The following ADGRV1 variants were observed in gnomAD, a reference collection of about 807,000 sequenced individuals.
The protein encoded by ADGRV1 is G-protein coupled receptor 98.
In ADGRV1, 359 loss-of-function variants were observed where a neutral mutation model predicts 596.2. That is an observed-to-expected ratio of 0.60 (90% CI 0.55 to 0.66). The LOEUF (loss-of-function observed/expected upper bound fraction) is 0.66, where lower values mean the gene tolerates loss of function less well. ADGRV1 is among the 30% of genes least tolerant of loss of function. The pLI, the probability that ADGRV1 is intolerant of heterozygous loss-of-function variation, is 0.00. For missense variants in ADGRV1, 7,274 were observed against 7,575.6 expected, an observed-to-expected ratio of 0.96 and a Z score of 1.48; for synonymous variants, 2,681 against 2,679.2, an observed-to-expected ratio of 1.00 and a Z score of -0.02.
At chr5:90,723,400 T>A (rs1379202645) in intron 45 of ADGRV1, among the ~76,000 whole-genome samples, 1 of 152,106 alleles carries the variant, frequency 6.6e-6, no homozygotes, top group Non-Finnish European at 1.5e-5. Context: ...CAAGCTGAGA[T>A]GGGATCCAAA....
chr5:91,048,248 TA>T (rs1358847763), intron 85 of ADGRV1, among the ~76,000 whole-genome samples: 2 of 152,262 alleles, frequency 1.3e-5, no homozygotes, highest in East Asian at 3.9e-4. Flanking sequence ...AGCAACTCAG[TA>T]CCTTCTGCCT....
At chr5:90,701,723 G>A (rs1747932983) in intron 34 of ADGRV1, among the ~76,000 whole-genome samples, 2 of 151,804 alleles carry the variant, frequency 1.3e-5, no homozygotes, top group Admixed American at 1.3e-4. Context: ...TAGACTTTTA[G>A]TGTTTTTACA....
At chr5:90,619,694 G>A (rs1370596879) in intron 4 of ADGRV1, among the ~76,000 whole-genome samples, 1 of 151,564 alleles carries the variant, frequency 6.6e-6, no homozygotes, top group African/African-American at 2.4e-5. Context: ...CTGGTGTGCT[G>A]CACCCATTAA....
rs1766171315 is a variant in ADGRV1 at position 90,848,764 on chromosome 5, C to CT, written c.17148dup (p.Glu5717Ter). 6.3e-7 allele frequency: 1 copy of CT among 1,589,352 alleles called. No homozygotes were observed. Among genetic ancestry groups the CT allele is most frequent in the Non-Finnish European group, 8.5e-7 (1 of 1,170,732 alleles). On this transcript the variant is annotated frameshift_variant, in exon 79 of 90. Transcript: ENST00000405460. LOFTEE classifies it high-confidence loss of function. Reference sequence around the variant, plus strand: ...GGATTCAGTCACTTTGCTGAAGTGACTGAGAATTTTGCCTTTTCTCTGCTG... The same window carrying CT: ...GGATTCAGTCACTTTGCTGAAGTGACTTGAGAATTTTGCCTTTTCTCTGCTG...
chr5:90,559,769 T>C (rs1322883311), intron 1 of ADGRV1, among the ~76,000 whole-genome samples: 1 of 152,144 alleles, frequency 6.6e-6, no homozygotes, highest in Non-Finnish European at 1.5e-5. Context: ...ATACCTTAAC[T>C]CATACAGCAT....
In ADGRV1 at chr5:90,578,457, G is replaced by A. The variant is rs186399477; in HGVS notation, c.22+19540G>A. ...TGAACCAGCCTTGCATCCCAGGGAT[G>A]AAGCCGACTTGATTGTGGTGGATAA... is the stretch of plus-strand genomic sequence containing the variant. On this transcript the variant is annotated intron_variant, in intron 1 of 89. Coordinates refer to ENST00000405460, the MANE Select transcript of ADGRV1 (RefSeq NM_032119.4). Among the ~76,000 whole-genome samples, 10 of 152,326 alleles carry A rather than the reference G, an allele frequency of 6.6e-5. No individual in the cohort carries two copies. In the East Asian group the frequency reaches 1.9e-3, roughly 29 times the overall value.
intron 83 of ADGRV1, among the ~76,000 whole-genome samples, chr5:90,916,448 T>C (rs976100244): frequency 1.3e-5 from 2 of 152,096 alleles, no homozygotes; most frequent in Admixed American, 1.3e-4. Context: ...GCCTCCTTTT[T>C]GATGAGGCCC....
rs779753293 is a variant in ADGRV1, at chr5:90,783,249, C to T, written c.13357C>T (p.His4453Tyr). 22 of 1,613,514 alleles carry T rather than the reference C, an allele frequency of 1.4e-5. No individual in the cohort carries two copies. Among genetic ancestry groups the T allele is most frequent in the Non-Finnish European group, 1.9e-5 (22 of 1,179,548 alleles). The change falls in exon 66 of 90, where the codon CAT becomes TAT. Residue 4453 changes from histidine (H) to tyrosine (Y), a missense_variant. Around this residue, in one of 5 missense-constraint regions of ADGRV1, gnomAD observed 3,643 missense variants for 3,809.2 expected, o/e 0.96. Coordinates refer to ENST00000405460, the MANE Select transcript of ADGRV1 (RefSeq NM_032119.4). ...TCCCGGAGGTGTTGATTACATTTTG[C>T]ATGGCAGTACAGTCACCTTTCAGCA... ...ASPGGVDYIL[H>Y]GSTVTFQHGQ...
chr5:90,588,037 T>G (rs931647383), intron 1 of ADGRV1, among the ~76,000 whole-genome samples: 8 of 152,222 alleles, frequency 5.3e-5, no homozygotes. Context: ...TAAGCTTTCT[T>G]TACAGCTGTA....
At chr5:91,017,323 C>A (rs1247110947) in intron 85 of ADGRV1, among the ~76,000 whole-genome samples, 1 of 151,080 alleles carries the variant, frequency 6.6e-6, no homozygotes, top group East Asian at 1.9e-4. Flanking sequence ...ATTCCATGTT[C>A]AAAATGAAAG....
chr5:90,571,333 A>G (rs1756503809), intron 1 of ADGRV1, among the ~76,000 whole-genome samples: 1 of 152,080 alleles, frequency 6.6e-6, no homozygotes, highest in African/African-American at 2.4e-5. Flanking sequence ...CTTTGCACAC[A>G]GCCTCAAAAC....
At chr5:91,065,939 A>G (rs2151374857) in intron 85 of ADGRV1, among the ~76,000 whole-genome samples, 1 of 152,360 alleles carries the variant, frequency 6.6e-6, no homozygotes, top group South Asian at 2.1e-4. Context: ...AAATCTATCC[A>G]TGAAAGTTTA....
rs779266384 is a variant in ADGRV1, at chr5:90,637,869, A to G, written c.2161A>G (p.Ser721Gly). ...CTCTGTTTTGTTTTTATCTGGGCAA[A>G]GTGACACAACAATCAACATTACTAT... ...NGSVLFLSGQ[S>G]DTTINITIKG... The change falls in exon 11 of 90, where the codon AGT (serine) becomes GGT (glycine). Residue 721 changes from serine to glycine, a missense_variant. Around this residue, in one of 5 missense-constraint regions of ADGRV1, gnomAD observed 1,715 missense variants for 1,708.8 expected, o/e 1.00. Coordinates refer to ENST00000405460, the MANE Select transcript of ADGRV1 (RefSeq NM_032119.4). The G allele has an allele frequency of 1.9e-6, 3 of 1,613,724 alleles. No homozygotes were observed. Among genetic ancestry groups the G allele is most frequent in the Middle Eastern group, 1.7e-4 (1 of 6,060 alleles).
chr5:90,793,423 T>C (rs767592516), intron 70 of ADGRV1: 10 of 152,226 alleles, frequency 6.6e-5, no homozygotes, highest in Non-Finnish European at 1.5e-4. Flanking sequence ...GCTGGTATCA[T>C]TTTATAGTAA....
At chr5:91,025,206 CT>C (rs1415887480) in intron 85 of ADGRV1, among the ~76,000 whole-genome samples, 3 of 152,250 alleles carry the variant, frequency 2.0e-5, no homozygotes, top group Middle Eastern at 3.4e-3. Context: ...TACTCTTTCT[CT>C]TATTCACAGT....
intron 87 of ADGRV1, among the ~76,000 whole-genome samples, chr5:91,142,319 T>G (rs1795163239): frequency 6.6e-6 from 1 of 152,184 alleles, no homozygotes; most frequent in Non-Finnish European, 1.5e-5. Flanking sequence ...GGTCTCTTAC[T>G]TTCTAGGAGG....
intron 39 of ADGRV1, among the ~76,000 whole-genome samples, chr5:90,710,657 G>A (rs1054576541): frequency 2.0e-5 from 3 of 151,510 alleles, no homozygotes; most frequent in Non-Finnish European, 2.9e-5. Flanking sequence ...TCCTGAAATA[G>A]TGATATTATA....
At chr5:90,597,181 T>C (rs1265190204) in intron 1 of ADGRV1, among the ~76,000 whole-genome samples, 4 of 152,212 alleles carry the variant, frequency 2.6e-5, no homozygotes, top group Admixed American at 2.6e-4. Flanking sequence ...ACAAGAATTA[T>C]TGCCACTATA....
chr5:91,009,388 A>G (rs1782546253), intron 85 of ADGRV1, among the ~76,000 whole-genome samples: 1 of 152,146 alleles, frequency 6.6e-6, no homozygotes, highest in Admixed American at 6.6e-5. Context: ...CCTGTTGGAG[A>G]CAATTGAAAC....
Sources: allele counts gnomAD v4.1 joint callset (sites outside exome capture counted in the v4.1 genomes callset), GRCh38; gene constraint gnomAD v4.1.1; regional missense constraint gnomAD v4.1.1; transcripts MANE v1.5; gene names NCBI Gene and HGNC (gene_info 2026-07-23, HGNC 2026-07-21).